MS4A4E: variants seen among roughly 807,000 people sequenced by gnomAD.
MS4A4E encodes the protein putative membrane-spanning 4-domains subfamily A member 4E.
Under a neutral mutation model 13.3 loss-of-function variants are expected in MS4A4E, and 23 were observed. The ratio of observed to expected loss-of-function variants is 1.73; its 90% CI spans 1.25 to 2.45. The LOEUF (loss-of-function observed/expected upper bound fraction) is 2.45. MS4A4E is among the 30% of genes most tolerant of loss of function. MS4A4E has a pLI of 0.00. For missense variants in MS4A4E, 144 were observed against 131.2 expected, an observed-to-expected ratio of 1.10 and a Z score of -0.48; for synonymous variants, 36 against 45.6, an observed-to-expected ratio of 0.79 and a Z score of 0.85.
At chr11:60,240,071 G>A (rs570613412) in intron 1 of MS4A4E, among the ~76,000 whole-genome samples, 37 of 152,156 alleles carry the variant, frequency 2.4e-4, no homozygotes, top group Non-Finnish European at 4.6e-4. Flanking sequence ...TTCAGATAAA[G>A]GAAGGTGGCA....
intron 1 of MS4A4E, among the ~76,000 whole-genome samples, chr11:60,238,981 A>G (rs2084516545): frequency 6.6e-6 from 1 of 152,242 alleles, no homozygotes; most frequent in South Asian, 2.1e-4. Context: ...ACATATGTCC[A>G]CACAAAAACT....
chr11:60,218,242 C>G (rs987961287), intron 3 of MS4A4E, among the ~76,000 whole-genome samples: 2 of 152,166 alleles, frequency 1.3e-5, no homozygotes, highest in Non-Finnish European at 2.9e-5. Flanking sequence ...ACCCTGTCTC[C>G]TGATAAGATG....
At chr11:60,212,309 T>C (rs1590708394) in intron 5 of MS4A4E, among the ~76,000 whole-genome samples, 2 of 138,260 alleles carry the variant, frequency 1.4e-5, no homozygotes, top group Admixed American at 1.4e-4. Flanking sequence ...GGCACTGACA[T>C]CTTTTTTTTT....
intron 1 of MS4A4E, among the ~76,000 whole-genome samples, chr11:60,237,244 A>G (rs2084494902): frequency 1.3e-5 from 2 of 152,150 alleles, no homozygotes; most frequent in Non-Finnish European, 2.9e-5. Context: ...AATGGCCTCC[A>G]GCTCTATCCA....
At chr11:60,218,926 T>A (rs4492839) in intron 3 of MS4A4E, among the ~76,000 whole-genome samples, 49,251 of 152,112 alleles carry the variant, frequency 0.32, 9,061 homozygotes, top group South Asian at 0.51. Context: ...TAAGCAGGGA[T>A]TCTGCATTTA....
At chr11:60,206,259 C>A (rs1381657677) in intron 6 of MS4A4E, among the ~76,000 whole-genome samples, 2 of 151,772 alleles carry the variant, frequency 1.3e-5, no homozygotes, top group Admixed American at 6.6e-5. Flanking sequence ...TTAGCAATAC[C>A]TTTTTGCCCT....
intron 3 of MS4A4E, chr11:60,225,179 T>C: frequency 1.6e-6 from 2 of 1,276,914 alleles, no homozygotes; most frequent in Non-Finnish European, 2.0e-6. Flanking sequence ...GCTATCCTTA[T>C]TCTTTTTCAT....
At chr11:60,203,527 T>C (rs1432778830) in intron 8 of MS4A4E, among the ~76,000 whole-genome samples, 1 of 152,100 alleles carries the variant, frequency 6.6e-6, no homozygotes, top group Non-Finnish European at 1.5e-5. Flanking sequence ...AGTGGGTGGA[T>C]CGCCTGAGCT....
intron 3 of MS4A4E, 70 bp downstream of exon 3, chr11:60,228,524 G>T: frequency 1.6e-6 from 1 of 633,018 alleles, no homozygotes; most frequent in Non-Finnish European, 2.8e-6. Context: ...AAAGTAACAG[G>T]GAAGACAGTT....
At chr11:60,232,106 A>G (rs2084418023) in intron 1 of MS4A4E, among the ~76,000 whole-genome samples, 1 of 152,294 alleles carries the variant, frequency 6.6e-6, no homozygotes, top group South Asian at 2.1e-4. Context: ...AGAATTAGTC[A>G]ACTGGAAAAA....
Position 60,243,000 on chromosome 11 carries a change from C to T in MS4A4E, c.-59G>A, listed in dbSNP as rs2084569748. ...ATGTCTGCTGCAGGTCTGATGAGTG[C>T]AGGGCTCTGGGCAAGTTCCTCAAAG... On this transcript the variant is annotated 5_prime_UTR_variant, in exon 1 of 9. Transcript: ENST00000651255. The T allele has an allele frequency of 3.2e-6, 5 of 1,567,094 alleles. No individual in the cohort carries two copies. Among genetic ancestry groups the T allele is most frequent in the Non-Finnish European group, 4.4e-6 (5 of 1,148,470 alleles).
intron 1 of MS4A4E, among the ~76,000 whole-genome samples, chr11:60,233,776 C>G (rs1288137432): frequency 1.3e-5 from 2 of 152,168 alleles, no homozygotes; most frequent in Admixed American, 6.5e-5. Flanking sequence ...GGAGTCAGAG[C>G]CAACACAGAG....
intron 6 of MS4A4E, among the ~76,000 whole-genome samples, chr11:60,208,195 CTTTCAG>C (rs1394806886): frequency 3.9e-5 from 6 of 152,184 alleles, no homozygotes; most frequent in Admixed American, 1.3e-4. Flanking sequence ...GATTTGTTGA[CTTTCAG>C]TTTATAAAAA....
In MS4A4E at chr11:60,243,113, C is replaced by G. The variant is rs546868371; in HGVS notation, c.-172G>C. 1 of 550,092 alleles carries G rather than the reference C, an allele frequency of 1.8e-6. No homozygotes were observed. The highest frequency in any genetic ancestry group is 1.9e-5 in the African/African-American group (1 of 51,682). 34.1% of individuals were successfully genotyped at this position (550,092 alleles called of 1,614,324 possible). A position where few individuals can be genotyped will look rare whatever the true frequency, so the allele number is the denominator to read the frequency against. The stretch of plus-strand genomic sequence containing the variant: ...TCCTTTTCTAGTAGATGTTTGGAAC[C>G]TTAAAGGATGTGTTGAGAACTTCTG... On this transcript the variant is annotated 5_prime_UTR_variant, in exon 1 of 9. Coordinates refer to ENST00000651255, the MANE Select transcript of MS4A4E (RefSeq NM_001393391.1).
chr11:60,231,541 T>C (rs1021205109), intron 1 of MS4A4E, among the ~76,000 whole-genome samples: 3 of 152,058 alleles, frequency 2.0e-5, no homozygotes, highest in Non-Finnish European at 1.5e-5. Flanking sequence ...AAACAAAGAT[T>C]GCATAAGGAT....
intron 6 of MS4A4E, among the ~76,000 whole-genome samples, chr11:60,207,022 C>G (rs1318858377): frequency 1.3e-5 from 2 of 152,008 alleles, no homozygotes; most frequent in Admixed American, 6.6e-5. Flanking sequence ...ATGGGTAAAC[C>G]AAGGTATCAT....
At chr11:60,208,109 CCCCTTGTGATT>C (rs2084070901) in intron 6 of MS4A4E, among the ~76,000 whole-genome samples, 1 of 152,108 alleles carries the variant, frequency 6.6e-6, no homozygotes, top group South Asian at 2.1e-4. Context: ...CACTCACTGA[CCCCTTGTGATT>C]CCCTTCTCTC....
At chr11:60,236,589 G>A (rs1368589238) in intron 1 of MS4A4E, among the ~76,000 whole-genome samples, 2 of 151,830 alleles carry the variant, frequency 1.3e-5, no homozygotes, top group Non-Finnish European at 2.9e-5. Flanking sequence ...AAATTATTCA[G>A]TGCTAGCATA....
chr11:60,201,951 G>C (rs981621178), intron 8 of MS4A4E, 72 bp from the exon 9 acceptor site: 1 of 156,352 alleles, frequency 6.4e-6, no homozygotes, highest in Admixed American at 6.5e-5. Context: ...ACTACTTATA[G>C]TTAGAAGTTA....
Sources: allele counts gnomAD v4.1 joint callset (sites outside exome capture counted in the v4.1 genomes callset), GRCh38; gene constraint gnomAD v4.1.1; transcripts MANE v1.5; gene names NCBI Gene and HGNC (gene_info 2026-07-23, HGNC 2026-07-21).